The following FRMD7 variants were observed in gnomAD, a reference collection of about 807,000 sequenced individuals.
FRMD7 encodes the protein FERM domain containing 7.
A neutral mutation model predicts 44.1 loss-of-function variants in FRMD7; 14 were observed. The observed-to-expected ratio is 0.32, with a 90% CI of 0.21 to 0.50. The LOEUF (loss-of-function observed/expected upper bound fraction) is 0.50. Ranked by LOEUF, FRMD7 falls within the 20% of genes least tolerant of loss-of-function variation. The pLI is 0.99. For synonymous variants in FRMD7, 212 were observed against 187.4 expected (o/e 1.13, Z -1.07); for missense variants, 501 against 522.3 (o/e 0.96, Z 0.40).
chrX:132,090,057 C>G (rs886314108), intron 5 of FRMD7, among the ~76,000 whole-genome samples: 7 of 111,887 alleles, frequency 6.3e-5, no homozygotes, highest in Non-Finnish European at 1.3e-4. Context: ...GGAAGAAAAT[C>G]CAAATGTCCA....
chrX:132,127,944 C>A lies in FRMD7; in HGVS notation c.-100G>T, dbSNP rs1057515772. 1.5e-5 allele frequency: 10 copies of A among 684,895 alleles called. No homozygotes were observed. Among genetic ancestry groups the A allele is most frequent in the East Asian group, 3.2e-5 (1 of 30,900 alleles). 56.4% of individuals were successfully genotyped at this position (684,895 alleles called of 1,213,427 possible). The stretch of plus-strand genomic sequence containing the variant: ...TGGATGTGGTGCACTCGGGCCCCCC[C>A]ACCCCCAGCCAGGCATTCCCACTGT... On this transcript the variant is annotated 5_prime_UTR_variant, in exon 1 of 12. Transcript: ENST00000298542.
In FRMD7 at chrX:132,093,722, T is replaced by C. The variant is rs752924133; in HGVS notation, c.382+320A>G. Among the ~76,000 whole-genome samples the C allele has an allele frequency of 6.2e-5, 7 of 112,688 alleles. No homozygotes were observed. The East Asian group carries it at 1.7e-3, about 27-fold the overall frequency. On this transcript the variant is annotated intron_variant, in intron 5 of 11. Transcript: ENST00000298542. ...GGGGTAAGCAGAGGGAGTGGGGACCTGTCTGGCAAAGCCCATGCCCAAATT... is the reference window on the plus strand; with the variant it reads ...GGGGTAAGCAGAGGGAGTGGGGACCCGTCTGGCAAAGCCCATGCCCAAATT...
intron 4 of FRMD7, among the ~76,000 whole-genome samples, chrX:132,096,969 A>G (rs749215383): frequency 1.4e-3 from 153 of 111,096 alleles, no homozygotes; most frequent in Non-Finnish European, 2.5e-3. Flanking sequence ...TGACTGAAAC[A>G]CAGATTCATG....
At chrX:132,111,229 T>A (rs757678179) in intron 1 of FRMD7, among the ~76,000 whole-genome samples, 29 of 112,542 alleles carry the variant, frequency 2.6e-4, no homozygotes, top group Middle Eastern at 4.6e-3. Context: ...TTTCTTTTTT[T>A]AATTTTTTAA....
intron 11 of FRMD7, 39 bp downstream of exon 11, chrX:132,079,967 A>T: frequency 1.1e-6 from 1 of 900,022 alleles, no homozygotes; most frequent in Non-Finnish European, 1.6e-6. Flanking sequence ...TGCACAAATT[A>T]CATTTATCTA....
intron 5 of FRMD7, among the ~76,000 whole-genome samples, chrX:132,089,428 C>T (rs1928098342): frequency 9.0e-6 from 1 of 111,274 alleles, no homozygotes; most frequent in African/African-American, 3.3e-5. Flanking sequence ...ATCTTTTTGA[C>T]CTTAAGTTAG....
intron 5 of FRMD7, among the ~76,000 whole-genome samples, chrX:132,087,312 A>G (rs1002535522): frequency 1.8e-5 from 2 of 110,448 alleles, no homozygotes; most frequent in Admixed American, 1.9e-4. Flanking sequence ...GAGTAAATAG[A>G]CTCTCCATGG....
rs1849266827 is a variant in FRMD7, at chrX:132,090,100, G to A, written c.382+3942C>T. Among the ~76,000 whole-genome samples the A allele has an allele frequency of 2.7e-5, 3 of 112,135 alleles. No homozygotes were observed. In the Admixed American group the frequency reaches 2.8e-4, roughly 11 times the overall value. On this transcript the variant is annotated intron_variant, in intron 5 of 11. Coordinates refer to ENST00000298542, the MANE Select transcript of FRMD7 (RefSeq NM_194277.3). ...GTGAATAGATAAACAAAATGTGGCT[G>A]GGCGCAGTGGCTCACTCCTGTAATC...
Position 132,101,913 on chromosome X carries a change from G to A in FRMD7, c.58-1197C>T, listed in dbSNP as rs763935630. Among the ~76,000 whole-genome samples the A allele has an allele frequency of 8.1e-5, 9 of 111,543 alleles. No individual in the cohort carries two copies. In the East Asian group the frequency reaches 2.5e-3, roughly 31 times the overall value. On this transcript the variant is annotated intron_variant, in intron 1 of 11. Coordinates refer to ENST00000298542, the MANE Select transcript of FRMD7 (RefSeq NM_194277.3). ...AGGGATTGCTGTTGCAGGGAGGACCGTGATGGGAAAATTGAGCCCTGGCTG... is the reference window on the plus strand; with the variant it reads ...AGGGATTGCTGTTGCAGGGAGGACCATGATGGGAAAATTGAGCCCTGGCTG...
At chrX:132,093,244 T>C (rs1279289354) in intron 5 of FRMD7, among the ~76,000 whole-genome samples, 6 of 112,116 alleles carry the variant, frequency 5.4e-5, no homozygotes, top group African/African-American at 1.3e-4. Context: ...ATCAGAAAGG[T>C]AAGGTACAGA....
chrX:132,105,444 T>A (rs1334461204), intron 1 of FRMD7, among the ~76,000 whole-genome samples: 1 of 111,798 alleles, frequency 8.9e-6, no homozygotes, highest in Admixed American at 9.5e-5. Flanking sequence ...CAAAGCAATT[T>A]ACAGATTCAA....
chrX:132,096,958 C>G (rs773242992), intron 4 of FRMD7, among the ~76,000 whole-genome samples: 1 of 111,229 alleles, frequency 9.0e-6, no homozygotes, highest in African/African-American at 3.3e-5. Flanking sequence ...GCTGCCCTCT[C>G]TGACTGAAAC....
intron 1 of FRMD7, among the ~76,000 whole-genome samples, chrX:132,101,307 T>C (rs1928492356): frequency 9.0e-6 from 1 of 111,569 alleles, no homozygotes; most frequent in African/African-American, 3.3e-5. Flanking sequence ...CCTCTGCTCA[T>C]GTCATCCTTC....
chrX:132,112,998 G>A (rs1382819304), intron 1 of FRMD7, among the ~76,000 whole-genome samples: 1 of 111,004 alleles, frequency 9.0e-6, no homozygotes, highest in Non-Finnish European at 1.9e-5. Context: ...CACTAAGGGG[G>A]GCAGGGGTGA....
intron 4 of FRMD7, among the ~76,000 whole-genome samples, chrX:132,095,872 T>C (rs1928316756): frequency 8.9e-6 from 1 of 112,567 alleles, no homozygotes. Context: ...AAGGTGAATT[T>C]CGTTTTGCTC....
At chrX:132,090,121 T>G (rs770780654) in intron 5 of FRMD7, among the ~76,000 whole-genome samples, 1 of 112,053 alleles carries the variant, frequency 8.9e-6, no homozygotes, top group African/African-American at 3.2e-5. Context: ...CTCACTCCTG[T>G]AATCCCAAGC....
intron 9 of FRMD7, 91 bp downstream of exon 9, chrX:132,082,272 G>A (rs1277838843): frequency 1.3e-6 from 1 of 749,081 alleles, no homozygotes; most frequent in East Asian, 3.2e-5. Flanking sequence ...TGGATTCTTT[G>A]TTGCTTCTAG....
At chrX:132,108,099 T>C (rs1414176835) in intron 1 of FRMD7, among the ~76,000 whole-genome samples, 1 of 111,802 alleles carries the variant, frequency 8.9e-6, no homozygotes, top group Non-Finnish European at 1.9e-5. Flanking sequence ...GGCTACTTAA[T>C]CTCTCTGAGC....
At chrX:132,100,770 A>G (rs1928476953) in intron 1 of FRMD7, 54 bp from the exon 2 acceptor site, 1 of 856,328 alleles carries the variant, frequency 1.2e-6, no homozygotes. Context: ...CTGATACTGC[A>G]GCACGGAATA....
Sources: allele counts gnomAD v4.1 joint callset (sites outside exome capture counted in the v4.1 genomes callset), GRCh38; gene constraint gnomAD v4.1.1; transcripts MANE v1.5; gene names NCBI Gene and HGNC (gene_info 2026-07-23, HGNC 2026-07-21).